Variants in PDCD1LG2 observed in about 807,000 individuals in gnomAD.
PDCD1LG2 encodes the protein B7 dendritic cell molecule.
PDCD1LG2 carries 32 observed loss-of-function variants against 28.2 expected under a neutral mutation model. The observed-to-expected ratio is 1.13, with a 90% CI of 0.86 to 1.52. The LOEUF is 1.52. Among genes scored for constraint, PDCD1LG2 ranks in the 40% most tolerant of loss-of-function variants. The probability of loss-of-function intolerance (pLI) is 0.00; values close to 1 mark genes in which losing one functional copy is unlikely to be tolerated. For synonymous variants in PDCD1LG2, 116 were observed against 120.2 expected (o/e 0.97, Z 0.23); for missense variants, 385 against 323.8 (o/e 1.19, Z -1.45).
intron 1 of PDCD1LG2, among the ~76,000 whole-genome samples, chr9:5,518,575 G>C (rs535828489): frequency 6.6e-6 from 1 of 152,218 alleles, no homozygotes; most frequent in Non-Finnish European, 1.5e-5. Flanking sequence ...TCAAGCTAAG[G>C]TATGCCATGA....
chr9:5,535,631 A>T (rs1486124221), intron 3 of PDCD1LG2, among the ~76,000 whole-genome samples: 1 of 152,080 alleles, frequency 6.6e-6, no homozygotes, highest in Non-Finnish European at 1.5e-5. Context: ...GGGTCATGGT[A>T]TAAATTTTTT....
chr9:5,520,968 A>G (rs1820261994), intron 1 of PDCD1LG2, among the ~76,000 whole-genome samples: 1 of 152,198 alleles, frequency 6.6e-6, no homozygotes, highest in Admixed American at 6.5e-5. Flanking sequence ...AATCCAAATG[A>G]CCATCAACTG....
intron 2 of PDCD1LG2, 122 bp from the exon 3 acceptor site, chr9:5,534,623 T>C (rs1820544837): frequency 5.0e-6 from 4 of 803,366 alleles, no homozygotes; most frequent in Middle Eastern, 3.6e-4. Flanking sequence ...GCCACGGGAA[T>C]GTCCAGATAA....
At chr9:5,546,667 C>T (rs1816213536) in intron 3 of PDCD1LG2, among the ~76,000 whole-genome samples, 1 of 152,182 alleles carries the variant, frequency 6.6e-6, no homozygotes, top group African/African-American at 2.4e-5. Flanking sequence ...TAGACATCTG[C>T]AATTACACAG....
intron 1 of PDCD1LG2, among the ~76,000 whole-genome samples, chr9:5,517,268 A>G (rs1218314601): frequency 6.6e-6 from 1 of 152,252 alleles, no homozygotes; most frequent in Non-Finnish European, 1.5e-5. Context: ...GTAGAGGGAC[A>G]TGTACACTGG....
rs2129794848 is a variant in PDCD1LG2, at chr9:5,534,943, C to T, written c.254C>T (p.Ala85Val). 2.5e-6 allele frequency: 4 copies of T among 1,614,106 alleles called. No homozygotes were observed. Among genetic ancestry groups the T allele is most frequent in the Non-Finnish European group, 3.4e-6 (4 of 1,179,992 alleles). ...LLEEQLPLGK[A>V]SFHIPQVQVR... is the part of the protein sequence containing the mutation. ...GAGGAGCAGCTGCCCCTAGGGAAGG[C>T]CTCGTTCCACATACCTCAAGTCCAA... The change falls in exon 3 of 7, where the codon GCC becomes GTC. Residue 85 changes from alanine (A) to valine (V), a missense_variant. Coordinates refer to ENST00000397747, the MANE Select transcript of PDCD1LG2 (RefSeq NM_025239.4).
At chr9:5,553,214 T>C (rs1291003890) in intron 4 of PDCD1LG2, among the ~76,000 whole-genome samples, 1 of 152,154 alleles carries the variant, frequency 6.6e-6, no homozygotes, top group Non-Finnish European at 1.5e-5. Context: ...GGTAAAAAAA[T>C]GAATTAGGCA....
In PDCD1LG2 at chr9:5,563,015, C is replaced by T. The variant is rs1335846908; in HGVS notation, c.767-147C>T. On this transcript the variant is annotated intron_variant, in intron 5 of 6. Coordinates refer to ENST00000397747, the MANE Select transcript of PDCD1LG2 (RefSeq NM_025239.4). ...GGGCCAGATTTTGCTTTATGCATTA[C>T]CATCCGAAGTCCCAGGCCACAGTGA... 1.2e-5 allele frequency: 8 copies of T among 665,240 alleles called. No individual in the cohort carries two copies. In the East Asian group the frequency reaches 1.6e-4, roughly 14 times the overall value. The allele number at this position is 665,240 out of a possible 1,614,324, so 41.2% of individuals were successfully genotyped here. A position where few individuals can be genotyped will look rare whatever the true frequency, so the allele number is the denominator to read the frequency against.
At chr9:5,520,804 G>C (rs901219495) in intron 1 of PDCD1LG2, among the ~76,000 whole-genome samples, 2 of 152,072 alleles carry the variant, frequency 1.3e-5, no homozygotes, top group Non-Finnish European at 2.9e-5. Flanking sequence ...TAAATAGTTT[G>C]GCAATTCCTC....
chr9:5,549,568 G>A lies in PDCD1LG2; in HGVS notation c.595G>A (p.Val199Met), dbSNP rs138254251. ...CAGCTGTGTGTTCTGGAATACTCACGTGAGGGAACTTACTTTGGCCAGCAT... is the reference window on the plus strand; with the variant it reads ...CAGCTGTGTGTTCTGGAATACTCACATGAGGGAACTTACTTTGGCCAGCAT... Reference protein sequence around the residue: ...NFSCVFWNTHVRELTLASIDL... With the variant: ...NFSCVFWNTHMRELTLASIDL... The change falls in exon 4 of 7, where the codon GTG becomes ATG. Residue 199 changes from valine (V) to methionine (M), a missense_variant. Physicochemically the swap from Val to Met is conservative, Grantham distance 21. Transcript: ENST00000397747. 2.5e-5 allele frequency: 41 copies of A among 1,614,226 alleles called. No individual in the cohort carries two copies. The highest frequency in any genetic ancestry group is 2.5e-4 in the East Asian group (11 of 44,892).
chr9:5,535,177 C>A, intron 3 of PDCD1LG2, 127 bp downstream of exon 3: 1 of 847,142 alleles, frequency 1.2e-6, no homozygotes, highest in Non-Finnish European at 1.8e-6. Flanking sequence ...ACAGCTATTT[C>A]AGAGAAAATG....
chr9:5,539,883 C>T (rs1277379588), intron 3 of PDCD1LG2, among the ~76,000 whole-genome samples: 2 of 152,196 alleles, frequency 1.3e-5, no homozygotes, highest in Non-Finnish European at 2.9e-5. Flanking sequence ...TATGCCCTAC[C>T]ACAAATAGAC....
At chr9:5,568,318 G>A (rs552197517) in intron 6 of PDCD1LG2, among the ~76,000 whole-genome samples, 20 of 152,292 alleles carry the variant, frequency 1.3e-4, no homozygotes, top group Admixed American at 2.6e-4. Flanking sequence ...GGAGACAAGC[G>A]GGCACTACTA....
chr9:5,558,982 G>C (rs1324540345), intron 5 of PDCD1LG2, among the ~76,000 whole-genome samples: 1 of 152,228 alleles, frequency 6.6e-6, no homozygotes, highest in Non-Finnish European at 1.5e-5. Context: ...GTGCACCTCA[G>C]TTGTCTTATC....
intron 3 of PDCD1LG2, among the ~76,000 whole-genome samples, chr9:5,535,290 G>A (rs1395861878): frequency 2.0e-5 from 3 of 152,198 alleles, no homozygotes; most frequent in Non-Finnish European, 4.4e-5. Flanking sequence ...ACTGGAGGAA[G>A]CCAGGAAAAT....
At chr9:5,512,740 C>A (rs1820085561) in intron 1 of PDCD1LG2, among the ~76,000 whole-genome samples, 1 of 152,074 alleles carries the variant, frequency 6.6e-6, no homozygotes, top group South Asian at 2.1e-4. Flanking sequence ...TATGCCTTGC[C>A]CAGACTAAAA....
At chr9:5,564,835 A>AT (rs1275974421) in intron 6 of PDCD1LG2, among the ~76,000 whole-genome samples, 2 of 152,268 alleles carry the variant, frequency 1.3e-5, no homozygotes, top group African/African-American at 4.8e-5. Context: ...CATGTTGGTT[A>AT]TTTTTTTGGA....
chr9:5,535,268 G>T (rs1452105970), intron 3 of PDCD1LG2, among the ~76,000 whole-genome samples: 1 of 152,188 alleles, frequency 6.6e-6, no homozygotes, highest in East Asian at 1.9e-4. Flanking sequence ...GGACCTATAG[G>T]AATAAAATGG....
intron 6 of PDCD1LG2, among the ~76,000 whole-genome samples, chr9:5,564,105 T>A (rs1816619028): frequency 6.6e-6 from 1 of 152,152 alleles, no homozygotes; most frequent in Non-Finnish European, 1.5e-5. Flanking sequence ...CTGAAGTAAG[T>A]CAATTTGTCA....
Sources: gnomAD v4.1 joint callset for allele counts (sites outside exome capture counted in the v4.1 genomes callset) on GRCh38, gnomAD v4.1.1 for gene constraint, MANE v1.5 for transcripts, NCBI Gene and HGNC (gene_info 2026-07-23, HGNC 2026-07-21) for gene names.